The following FAAP20 variants were observed in gnomAD, a reference collection of about 807,000 sequenced individuals.
FAAP20 encodes FA core complex associated protein 20, also known as Fanconi anemia core complex-associated protein 20.
FAAP20 carries 12 observed loss-of-function variants against 16.2 expected under a neutral mutation model. That is an observed-to-expected ratio of 0.74 (90% CI 0.48 to 1.20). The LOEUF (loss-of-function observed/expected upper bound fraction) is 1.20, where lower values mean the gene tolerates loss of function less well. Among genes scored for constraint, FAAP20 ranks in the 50% most tolerant of loss-of-function variants. The pLI, the probability that FAAP20 is intolerant of heterozygous loss-of-function variation, is 0.00. For synonymous variants in FAAP20, 141 were observed against 110.7 expected (o/e 1.27, Z -1.72); for missense variants, 288 against 245.8 (o/e 1.17, Z -1.15).
chr1:2,192,953 G>A (rs144522721), intron 3 of FAAP20: 10 of 1,304,000 alleles, frequency 7.7e-6, no homozygotes, highest in South Asian at 6.2e-5. Flanking sequence ...CGGTGCCTTC[G>A]CATTCCCGAG....
downstream of FAAP20, chr1:2,185,157 G>A: frequency 3.8e-6 from 3 of 796,550 alleles, no homozygotes; most frequent in Non-Finnish European, 6.2e-6. Context: ...GCGTCAGCGG[G>A]CGCTGCTGGG....
downstream of FAAP20, among the ~76,000 whole-genome samples, chr1:2,207,949 T>TGTGC (rs1234761991): frequency 7.5e-6 from 1 of 133,622 alleles, no homozygotes; most frequent in Non-Finnish European, 1.7e-5. Flanking sequence ...TGTGTGTGTG[T>TGTGC]GTGTGTCCGT....
At chr1:2,209,296 AG>A (rs1182391688), downstream of FAAP20, among the ~76,000 whole-genome samples, 1 of 152,202 alleles carries the variant, frequency 6.6e-6, no homozygotes, top group Non-Finnish European at 1.5e-5. Flanking sequence ...TGGACCTCAT[AG>A]GAAGCCCTCC....
upstream of FAAP20, among the ~76,000 whole-genome samples, chr1:2,196,167 C>T (rs994654340): frequency 6.6e-6 from 1 of 152,184 alleles, no homozygotes; most frequent in South Asian, 2.1e-4. This position sits in a 1 kb window ranked among gnomAD's most constrained non-coding sequence, Gnocchi z 4.5. Context: ...TCCTGGCTGC[C>T]CTGGCTTCAG....
downstream of FAAP20, among the ~76,000 whole-genome samples, chr1:2,208,655 T>G (rs1418395637): frequency 6.6e-6 from 1 of 152,170 alleles, no homozygotes; most frequent in Admixed American, 6.5e-5. Flanking sequence ...GTCACGAATG[T>G]GCCTGTTTAT....
At chr1:2,194,522 G>T (rs1240331488) in intron 1 of FAAP20, among the ~76,000 whole-genome samples, 166 bp downstream of exon 1, 2 of 143,764 alleles carry the variant, frequency 1.4e-5, no homozygotes, top group African/African-American at 5.1e-5. Flanking sequence ...GGGGCTCAAG[G>T]CGGGCGCTGA....
intron 3 of FAAP20, chr1:2,191,903 G>A: frequency 1.0e-6 from 1 of 985,418 alleles, no homozygotes; most frequent in South Asian, 4.7e-5. Flanking sequence ...TGTCCAAATA[G>A]GACCACAAGA....
chr1:2,197,894 C>A, upstream of FAAP20: 1 of 1,131,536 alleles, frequency 8.8e-7, no homozygotes, highest in South Asian at 1.5e-5. Context: ...GACCCCCAAT[C>A]CCCTCCCGCC....
In FAAP20 at chr1:2,194,121, G is replaced by T; in HGVS notation, c.75C>A (p.Gly25=). Residue 25 remains glycine, a synonymous_variant, in exon 2 of 4, where the codon GGC becomes GGA. Coordinates refer to ENST00000378546, the MANE Select transcript of FAAP20 (RefSeq NM_182533.4). ...CACCCCCCAGGAGAAACCAGGGGCG[G>T]CCGCCAGAAGGCCTGGGGCAGACAG... ...RPRPAGGPSG[G]RPWFLLGGDE... 1.2e-6 allele frequency: 2 copies of T among 1,612,202 alleles called. No homozygotes were observed. The highest frequency in any genetic ancestry group is 2.2e-5 in the South Asian group (2 of 91,066).
upstream of FAAP20, among the ~76,000 whole-genome samples, chr1:2,204,361 A>G (rs1223736440): frequency 6.6e-6 from 1 of 152,242 alleles, no homozygotes; most frequent in Non-Finnish European, 1.5e-5. Context: ...GCTTCCTCAG[A>G]GGGATTTGCC....
upstream of FAAP20, chr1:2,200,685 C>T: frequency 2.0e-6 from 2 of 986,814 alleles, no homozygotes; most frequent in South Asian, 4.6e-5. Context: ...TCCCGGCTTT[C>T]CAAGCCGCCA....
At chr1:2,211,163 C>T (rs1689423195), downstream of FAAP20, among the ~76,000 whole-genome samples, 1 of 151,884 alleles carries the variant, frequency 6.6e-6, no homozygotes, top group African/African-American at 2.4e-5. Flanking sequence ...CTCCTTGGGC[C>T]CCTGCCGCCA....
chr1:2,190,388 G>A, intron 3 of FAAP20: 1 of 450,230 alleles, frequency 2.2e-6, no homozygotes, highest in South Asian at 1.6e-5. Flanking sequence ...CGGCCAGGCA[G>A]GGGTGGCAGG....
At chr1:2,204,267 T>C (rs568535898), upstream of FAAP20, among the ~76,000 whole-genome samples, 110 of 152,352 alleles carry the variant, frequency 7.2e-4, 1 homozygote, top group South Asian at 0.012. Context: ...CTGTTGGTCC[T>C]GCCAGCATCG....
chr1:2,211,942 G>C (rs192209214), downstream of FAAP20, among the ~76,000 whole-genome samples: 1 of 124,182 alleles, frequency 8.1e-6, no homozygotes, highest in African/African-American at 3.3e-5. Context: ...TTGCTTTGTC[G>C]CCCAGGCTGG....
upstream of FAAP20, chr1:2,200,569 T>G: frequency 1.2e-5 from 11 of 932,210 alleles, no homozygotes; most frequent in South Asian, 4.9e-5. Flanking sequence ...CAACCACTGA[T>G]TTTGGACACC....
At chr1:2,184,844 T>C, downstream of FAAP20, 2 of 1,431,674 alleles carry the variant, frequency 1.4e-6, no homozygotes, top group Non-Finnish European at 1.9e-6. Context: ...GGAGGATTCT[T>C]ATGCGAACGT....
upstream of FAAP20, among the ~76,000 whole-genome samples, chr1:2,196,986 G>T (rs1223709069): frequency 6.6e-6 from 1 of 152,152 alleles, no homozygotes; most frequent in East Asian, 1.9e-4. The surrounding 1 kb of genome is among the most constrained non-coding windows in gnomAD (Gnocchi z 4.5). Context: ...TCTGCTGTTG[G>T]ACCCGGGGGT....
At chr1:2,195,363 C>A (rs1688768076), upstream of FAAP20, among the ~76,000 whole-genome samples, 1 of 152,210 alleles carries the variant, frequency 6.6e-6, no homozygotes, top group Admixed American at 6.5e-5. Context: ...CACGTGGTGG[C>A]AGCAGCCGCC....
Sources: allele counts gnomAD v4.1 joint callset (sites outside exome capture counted in the v4.1 genomes callset), GRCh38; gene constraint gnomAD v4.1.1; non-coding constraint Gnocchi (gnomAD v3.1); transcripts MANE v1.5; gene names NCBI Gene and HGNC (gene_info 2026-07-23, HGNC 2026-07-21).